Variants in AKR1D1 observed in about 807,000 individuals in gnomAD.
AKR1D1 encodes the protein delta(4)-3-ketosteroid 5-beta-reductase.
Under a neutral mutation model 42.6 loss-of-function variants are expected in AKR1D1, and 32 were observed. The observed-to-expected ratio is 0.75, with a 90% CI of 0.57 to 1.01. The LOEUF (loss-of-function observed/expected upper bound fraction) is 1.01, where lower values mean the gene tolerates loss of function less well. Ranked by LOEUF, AKR1D1 falls within the 50% of genes least tolerant of loss-of-function variation. The pLI is 0.00. For missense variants in AKR1D1, 364 were observed against 402.2 expected, an observed-to-expected ratio of 0.91 and a Z score of 0.81; for synonymous variants, 123 against 135.5, an observed-to-expected ratio of 0.91 and a Z score of 0.64.
chr7:138,117,102 AG>A lies in AKR1D1; in HGVS notation c.*441del. 5 of 162,132 alleles carry A rather than the reference AG, an allele frequency of 3.1e-5. No homozygotes were observed. The highest frequency in any genetic ancestry group is 1.2e-4 in the Admixed American group (2 of 16,842). 10.0% of individuals were successfully genotyped at this position (162,132 alleles called of 1,614,324 possible). On this transcript the variant is annotated 3_prime_UTR_variant, in exon 9 of 9. Coordinates refer to ENST00000242375, the MANE Select transcript of AKR1D1 (RefSeq NM_005989.4). ...GGACCATTGGTTACAAAACAGACACAGCCAAGATAAGATCCACACACACATT... is the reference window on the plus strand; with the variant it reads ...GGACCATTGGTTACAAAACAGACACACCAAGATAAGATCCACACACACATT...
intron 4 of AKR1D1, among the ~76,000 whole-genome samples, chr7:138,103,647 C>G (rs1261403628): frequency 2.0e-5 from 3 of 151,758 alleles, no homozygotes; most frequent in African/African-American, 7.3e-5. Context: ...AAAACACACA[C>G]TCACCAAATA....
Position 138,088,722 on chromosome 7 carries a change from T to C in AKR1D1, c.215T>C (p.Ile72Thr), listed in dbSNP as rs759781040. The C allele has an allele frequency of 1.9e-5, 31 of 1,612,512 alleles. No homozygotes were observed. The highest frequency in any genetic ancestry group is 1.6e-4 in the Middle Eastern group (1 of 6,082). Reference protein sequence around the residue: ...HEVGEAIREKIAEGKVRREDI... With the variant: ...HEVGEAIREKTAEGKVRREDI... ...GTTGGGGAGGCCATCAGGGAGAAGA[T>C]AGCAGAAGGAAAGGTGCGGAGGGAA... Residue 72 changes from isoleucine (I) to threonine (T), a missense_variant, in exon 2 of 9, where the codon ATA becomes ACA. Coordinates refer to ENST00000242375, the MANE Select transcript of AKR1D1 (RefSeq NM_005989.4).
intron 2 of AKR1D1, chr7:138,091,239 G>A (rs561553869): frequency 6.2e-6 from 1 of 160,824 alleles, no homozygotes; most frequent in African/African-American, 2.4e-5. Context: ...GAGATGTGAG[G>A]GTGATCTGGC....
chr7:138,096,189 G>A (rs955213811), intron 3 of AKR1D1, among the ~76,000 whole-genome samples: 1 of 151,974 alleles, frequency 6.6e-6, no homozygotes, highest in Non-Finnish European at 1.5e-5. Flanking sequence ...CTGGACAGCA[G>A]AGTAAGACCT....
intron 1 of AKR1D1, among the ~76,000 whole-genome samples, chr7:138,084,127 T>C (rs1803115371): frequency 6.6e-6 from 1 of 152,100 alleles, no homozygotes; most frequent in Admixed American, 6.5e-5. Context: ...GTTTTTTTAC[T>C]TTCCTTTTTC....
intron 4 of AKR1D1, 91 bp from the exon 5 acceptor site, chr7:138,105,216 C>G (rs896725638): frequency 1.9e-6 from 3 of 1,581,252 alleles, no homozygotes; most frequent in Non-Finnish European, 2.6e-6. Context: ...CAGGAACTTT[C>G]CTTTTTAAAG....
intron 1 of AKR1D1, 26 bp from the exon 2 acceptor site, chr7:138,088,575 C>G (rs1793984478): frequency 6.2e-7 from 1 of 1,613,844 alleles, no homozygotes; most frequent in Non-Finnish European, 8.5e-7. Context: ...CTCTTTTCCC[C>G]AAACCCAACC....
At chr7:138,092,089 T>C (rs1485282082) in intron 3 of AKR1D1, among the ~76,000 whole-genome samples, 4 of 152,224 alleles carry the variant, frequency 2.6e-5, no homozygotes, top group Non-Finnish European at 4.4e-5. Context: ...CCACAGAATA[T>C]TGTGGTGTTT....
Position 138,106,809 on chromosome 7 carries a change from T to C in AKR1D1, c.689+92T>C, listed in dbSNP as rs1351602483. ...TGATTGGAATGCCTTTTGGTTTGCC[T>C]GTGCAACCTCTTCAAGTCATTATCT... On this transcript the variant is annotated intron_variant, in intron 6 of 8. Coordinates refer to ENST00000242375, the MANE Select transcript of AKR1D1 (RefSeq NM_005989.4). The C allele has an allele frequency of 1.3e-5, 12 of 934,618 alleles. No homozygotes were observed. The East Asian group carries it at 3.0e-4, about 23-fold the overall frequency. 57.9% of individuals were successfully genotyped at this position (934,618 alleles called of 1,614,324 possible). A position where few individuals can be genotyped will look rare whatever the true frequency, so the allele number is the denominator to read the frequency against.
chr7:138,100,374 T>A (rs1794273172), intron 4 of AKR1D1, among the ~76,000 whole-genome samples: 1 of 152,074 alleles, frequency 6.6e-6, no homozygotes, highest in South Asian at 2.1e-4. Flanking sequence ...ATAAACCAAG[T>A]CCCACTATAC....
intron 3 of AKR1D1, among the ~76,000 whole-genome samples, chr7:138,092,324 AG>A (rs1794100666): frequency 6.6e-6 from 1 of 152,208 alleles, no homozygotes. Context: ...CCACTCACAC[AG>A]TCACAATCTC....
At position 138,116,764 on chromosome 7, in the gene AKR1D1, C is replaced by G; in HGVS notation, c.*102C>G. On this transcript the variant is annotated 3_prime_UTR_variant, in exon 9 of 9. Coordinates refer to ENST00000242375, the MANE Select transcript of AKR1D1 (RefSeq NM_005989.4). ...AAATGAAGAGAGAGGGTTTTACCAT[C>G]CTGAGAAGAAATAATGATGGAAACA... 3 of 1,065,684 alleles carry G rather than the reference C, an allele frequency of 2.8e-6. No individual in the cohort carries two copies. The highest frequency in any genetic ancestry group is 4.3e-6 in the Non-Finnish European group (3 of 701,102). The allele number at this position is 1,065,684 out of a possible 1,614,324, so 66.0% of individuals were successfully genotyped here.
At chr7:138,083,687 C>T (rs1185696681) in intron 1 of AKR1D1, among the ~76,000 whole-genome samples, 1 of 151,934 alleles carries the variant, frequency 6.6e-6, no homozygotes, top group Non-Finnish European at 1.5e-5. Flanking sequence ...ATGCTTTTTC[C>T]CTTATGTTTC....
chr7:138,111,723 G>A (rs1297687806), intron 7 of AKR1D1, among the ~76,000 whole-genome samples: 1 of 152,180 alleles, frequency 6.6e-6, no homozygotes, highest in Admixed American at 6.5e-5. Flanking sequence ...GAATTTGAAA[G>A]CTTATATTAA....
chr7:138,076,590 T>C lies in AKR1D1; in HGVS notation c.72T>C (p.Gly24=), dbSNP rs780985612. The change falls in exon 1 of 9, where the codon GGT becomes GGC. Residue 24 remains glycine (G), a synonymous_variant. Coordinates refer to ENST00000242375, the MANE Select transcript of AKR1D1 (RefSeq NM_005989.4). ...ACAGCATTCCCATCATCGGACTTGGTACCTACTCAGAACCTAAATCGGTAA... is the reference window on the plus strand; with the variant it reads ...ACAGCATTCCCATCATCGGACTTGGCACCTACTCAGAACCTAAATCGGTAA... The part of the protein sequence containing the change: ...DGNSIPIIGL[G]TYSEPKSTPK... 2 of 1,613,200 alleles carry C rather than the reference T, an allele frequency of 1.2e-6. No individual in the cohort carries two copies. Among genetic ancestry groups the C allele is most frequent in the African/African-American group, 2.7e-5 (2 of 74,896 alleles).
intron 1 of AKR1D1, among the ~76,000 whole-genome samples, chr7:138,086,398 T>C (rs1465655309): frequency 6.6e-6 from 1 of 152,222 alleles, no homozygotes; most frequent in South Asian, 2.1e-4. Flanking sequence ...CTATTAATCA[T>C]GTTGTTATTT....
chr7:138,107,188 A>G, intron 6 of AKR1D1: 3 of 689,698 alleles, frequency 4.3e-6, no homozygotes, highest in South Asian at 1.5e-5. Flanking sequence ...AATATTATTT[A>G]CCCTCTGAAG....
intron 3 of AKR1D1, among the ~76,000 whole-genome samples, chr7:138,094,126 T>C (rs752503431): frequency 6.6e-6 from 1 of 152,218 alleles, no homozygotes; most frequent in Non-Finnish European, 1.5e-5. Flanking sequence ...TGACACAATA[T>C]AGTGACATTA....
chr7:138,101,620 A>T (rs1375172953), intron 4 of AKR1D1, among the ~76,000 whole-genome samples: 1 of 152,244 alleles, frequency 6.6e-6, no homozygotes, highest in Non-Finnish European at 1.5e-5. Context: ...AGACCTAAAA[A>T]AATTAAAATC....
Sources: gnomAD v4.1 joint callset for allele counts (sites outside exome capture counted in the v4.1 genomes callset) on GRCh38, gnomAD v4.1.1 for gene constraint, MANE v1.5 for transcripts, NCBI Gene and HGNC (gene_info 2026-07-23, HGNC 2026-07-21) for gene names.